The following ITGB3BP variants were observed in gnomAD, a reference collection of about 807,000 sequenced individuals.
ITGB3BP encodes centromere protein R.
In ITGB3BP, 27 loss-of-function variants were observed where a neutral mutation model predicts 29.1. The observed-to-expected ratio is 0.93, with a 90% CI of 0.68 to 1.28. The LOEUF is 1.28. ITGB3BP is among the 50% of genes most tolerant of loss of function. The pLI is 0.00. For synonymous variants in ITGB3BP, 61 were observed against 61.4 expected, an observed-to-expected ratio of 0.99 and a Z score of 0.03; for missense variants, 192 against 200.2, an observed-to-expected ratio of 0.96 and a Z score of 0.25.
At chr1:63,506,031 CG>C (rs1646070584) in intron 2 of ITGB3BP, among the ~76,000 whole-genome samples, 1 of 152,040 alleles carries the variant, frequency 6.6e-6, no homozygotes, top group African/African-American at 2.4e-5. Flanking sequence ...CTATTAGGTC[CG>C]CCTGGTGCAG....
chr1:63,523,950 T>C (rs1557665099), upstream of ITGB3BP, among the ~76,000 whole-genome samples: 1 of 152,170 alleles, frequency 6.6e-6, no homozygotes, highest in Non-Finnish European at 1.5e-5. Context: ...TGGTTATTTA[T>C]GGAGCCGTTT....
intron 4 of ITGB3BP, among the ~76,000 whole-genome samples, chr1:63,455,964 T>C (rs1644930277): frequency 6.6e-6 from 1 of 152,192 alleles, no homozygotes; most frequent in African/African-American, 2.4e-5. Context: ...AGATATTTTA[T>C]ACTTTTTTCA....
chr1:63,478,300 C>T (rs1645376607), intron 4 of ITGB3BP, among the ~76,000 whole-genome samples: 1 of 152,190 alleles, frequency 6.6e-6, no homozygotes, highest in Admixed American at 6.5e-5. Flanking sequence ...ATAATGTCTT[C>T]ATTCAAAGGA....
intron 2 of ITGB3BP, among the ~76,000 whole-genome samples, chr1:63,497,294 G>A (rs1273556804): frequency 6.6e-6 from 1 of 152,066 alleles, no homozygotes; most frequent in African/African-American, 2.4e-5. Context: ...GACAGAATGA[G>A]ATCCCTATTC....
rs554940757 is a variant in ITGB3BP at position 63,516,882 on chromosome 1, C to T, written c.5+6247G>A. Reference sequence around the variant, plus strand: ...AGGAAGGTGAGGGTTGAAAAATTATCTTTCGGGTACAATGTTCACTATTTG... The same window carrying T: ...AGGAAGGTGAGGGTTGAAAAATTATTTTTCGGGTACAATGTTCACTATTTG... On this transcript the variant is annotated intron_variant, in intron 1 of 8. Transcript: ENST00000271002. 3.2e-3 allele frequency among the ~76,000 whole-genome samples: 484 copies of T among 152,096 alleles called. 3 individuals carry two copies. The highest frequency in any genetic ancestry group is 3.7e-3 in the Non-Finnish European group (254 of 67,984).
chr1:63,488,560 TAA>T (rs892013704), intron 3 of ITGB3BP, among the ~76,000 whole-genome samples: 40 of 152,212 alleles, frequency 2.6e-4, no homozygotes, highest in African/African-American at 8.7e-4. Flanking sequence ...ATTTTGAACT[TAA>T]GTTACTTCCT....
intron 4 of ITGB3BP, among the ~76,000 whole-genome samples, chr1:63,465,522 A>T (rs12036710): frequency 0.064 from 9,623 of 151,070 alleles, 420 homozygotes; most frequent in East Asian, 0.17. Flanking sequence ...CTTCCTCAGT[A>T]GTGGGACTAC....
intron 2 of ITGB3BP, among the ~76,000 whole-genome samples, chr1:63,501,451 G>C (rs1645927881): frequency 6.6e-6 from 1 of 152,174 alleles, no homozygotes; most frequent in South Asian, 2.1e-4. Flanking sequence ...TTTCCAGGGG[G>C]AGGGGGAGAG....
At chr1:63,493,764 T>C (rs1264909926) in intron 2 of ITGB3BP, among the ~76,000 whole-genome samples, 1 of 152,228 alleles carries the variant, frequency 6.6e-6, no homozygotes, top group East Asian at 1.9e-4. Context: ...AAAAAGTGCC[T>C]ACATTTTACT....
chr1:63,489,417 A>C (rs1010085727), intron 3 of ITGB3BP, among the ~76,000 whole-genome samples: 12 of 151,312 alleles, frequency 7.9e-5, no homozygotes, highest in Admixed American at 7.9e-4. Context: ...TCAAAAAAAA[A>C]AAACCCCACG....
chr1:63,481,224 A>G (rs1320837877), intron 3 of ITGB3BP, among the ~76,000 whole-genome samples: 1 of 152,132 alleles, frequency 6.6e-6, no homozygotes, highest in Non-Finnish European at 1.5e-5. Context: ...AACTAGTCAA[A>G]TATCTCACCC....
intron 2 of ITGB3BP, among the ~76,000 whole-genome samples, chr1:63,501,652 C>T (rs532213516): frequency 5.9e-5 from 9 of 151,800 alleles, no homozygotes; most frequent in South Asian, 4.2e-4. Flanking sequence ...TGCTTGAGCT[C>T]GGGAGTTTGA....
chr1:63,523,242 A>C, upstream of ITGB3BP: 1 of 1,470,344 alleles, frequency 6.8e-7, no homozygotes, highest in Non-Finnish European at 9.5e-7. Flanking sequence ...CGCGCGCTGG[A>C]CGTTGCGTCA....
chr1:63,521,787 A>C (rs1282282932), intron 1 of ITGB3BP, among the ~76,000 whole-genome samples: 2 of 152,184 alleles, frequency 1.3e-5, no homozygotes, highest in Non-Finnish European at 2.9e-5. Flanking sequence ...GCCTCAAAAA[A>C]AGAAAAAAAA....
rs535961173 is a variant in ITGB3BP, at chr1:63,468,337, G to A, written c.254+10427C>T. On this transcript the variant is annotated intron_variant, in intron 4 of 8. Coordinates refer to ENST00000271002, the MANE Select transcript of ITGB3BP (RefSeq NM_014288.5). ...AGCCACATTATTGGAATGGGGTAAC[G>A]AGTGATTTAAAGAATGTTAATCCCA... is the stretch of plus-strand genomic sequence containing the variant. Among the ~76,000 whole-genome samples the A allele has an allele frequency of 3.3e-5, 5 of 152,282 alleles. No homozygotes were observed. In the South Asian group the frequency reaches 6.2e-4, roughly 19 times the overall value.
chr1:63,522,847 T>C (rs1570353913), intron 1 of ITGB3BP: 3 of 583,638 alleles, frequency 5.1e-6, no homozygotes, highest in Non-Finnish European at 9.6e-6. Context: ...GTCAACCTTA[T>C]TTATGTTATT....
intron 4 of ITGB3BP, among the ~76,000 whole-genome samples, chr1:63,463,118 G>A (rs941058133): frequency 2.0e-5 from 3 of 151,794 alleles, no homozygotes; most frequent in African/African-American, 7.3e-5. Context: ...TGGTGGTGGC[G>A]TGCACCTATA....
chr1:63,447,815 C>A (rs1644807459), intron 7 of ITGB3BP: 2 of 345,514 alleles, frequency 5.8e-6, no homozygotes, highest in Admixed American at 3.6e-5. Context: ...TTGACCCAGC[C>A]ATCCCATTAC....
At chr1:63,489,249 T>C (rs1481459504) in intron 3 of ITGB3BP, among the ~76,000 whole-genome samples, 1 of 151,966 alleles carries the variant, frequency 6.6e-6, no homozygotes, top group Admixed American at 6.6e-5. Context: ...GACTTCTTTT[T>C]TCTGGGTAGC....
Sources: gnomAD v4.1 joint callset for allele counts (sites outside exome capture counted in the v4.1 genomes callset) on GRCh38, gnomAD v4.1.1 for gene constraint, MANE v1.5 for transcripts, NCBI Gene and HGNC (gene_info 2026-07-23, HGNC 2026-07-21) for gene names.